TIMP3: variants seen among roughly 807,000 people sequenced by gnomAD.
The protein encoded by TIMP3 is TIMP metallopeptidase inhibitor 3.
TIMP3 carries 11 observed loss-of-function variants against 30.0 expected under a neutral mutation model. The ratio of observed to expected loss-of-function variants is 0.37; its 90% CI spans 0.23 to 0.61. The LOEUF (loss-of-function observed/expected upper bound fraction) is 0.61, where lower values mean the gene tolerates loss of function less well. Among genes scored for constraint, TIMP3 ranks in the 20% least tolerant of loss-of-function variants. The probability of loss-of-function intolerance (pLI) is 0.70; values close to 1 mark genes in which losing one functional copy is unlikely to be tolerated. For missense variants in TIMP3, 181 were observed against 276.8 expected (o/e 0.65, Z 2.45); for synonymous variants, 112 against 111.3 (o/e 1.01, Z -0.04).
rs373852143 is a variant in TIMP3, at chr22:32,819,189, G to T, written c.121+17067G>T. ...GTGAAAGAGGAAATAAGCTGTGTTG[G>T]CATGGGGAGGCTTGGCCTTGCAGGC... On this transcript the variant is annotated intron_variant, in intron 1 of 4. Coordinates refer to ENST00000266085, the MANE Select transcript of TIMP3 (RefSeq NM_000362.5). Among the ~76,000 whole-genome samples, 3 of 152,350 alleles carry T rather than the reference G, an allele frequency of 2.0e-5. No homozygotes were observed. In the East Asian group the frequency reaches 5.8e-4, roughly 29 times the overall value.
At chr22:32,852,568 T>A in intron 2 of TIMP3, among the ~76,000 whole-genome samples, 1 of 152,144 alleles carries the variant, frequency 6.6e-6, no homozygotes, top group South Asian at 2.1e-4. Flanking sequence ...GAGCAAGGGC[T>A]TCCTTAGAGC....
At chr22:32,829,407 A>G (rs183721449) in intron 1 of TIMP3, among the ~76,000 whole-genome samples, 1 of 152,282 alleles carries the variant, frequency 6.6e-6, no homozygotes, top group Non-Finnish European at 1.5e-5. Context: ...GCACTTCATT[A>G]TGGCAAAGAC....
intron 2 of TIMP3, among the ~76,000 whole-genome samples, chr22:32,855,808 A>G (rs2048347150): frequency 6.6e-6 from 1 of 152,174 alleles, no homozygotes; most frequent in South Asian, 2.1e-4. Flanking sequence ...GGGGGGCAAA[A>G]TTGCCTCCAG....
At chr22:32,858,494 C>A (rs1266112349) in intron 4 of TIMP3, among the ~76,000 whole-genome samples, 1 of 152,132 alleles carries the variant, frequency 6.6e-6, no homozygotes, top group Admixed American at 6.5e-5. Flanking sequence ...CAAGTGGGCT[C>A]ACCCTGGTAG....
At chr22:32,840,635 G>GCCGCCCCCT (rs1392369893) in intron 1 of TIMP3, among the ~76,000 whole-genome samples, 2 of 151,628 alleles carry the variant, frequency 1.3e-5, no homozygotes, top group African/African-American at 4.9e-5. Context: ...TCTCCTTACC[G>GCCGCCCCCT]CCGCCCCCTC....
rs2146316175 is a variant in TIMP3, at chr22:32,862,993, A to G, written c.*3616A>G. On this transcript the variant is annotated 3_prime_UTR_variant, in exon 5 of 5. Transcript: ENST00000266085. ...TAATGTTGCATAATGTTCACTTTTT[A>G]TAGTGTGTCCTTTATTCTAAACAGT... The G allele has an allele frequency of 6.5e-6, 1 of 152,768 alleles. No individual in the cohort carries two copies. The highest frequency in any genetic ancestry group is 1.9e-4 in the East Asian group (1 of 5,190). The allele number at this position is 152,768 out of a possible 1,614,324, so 9.5% of individuals were successfully genotyped here. A position where few individuals can be genotyped will look rare whatever the true frequency, so the allele number is the denominator to read the frequency against.
intron 1 of TIMP3, among the ~76,000 whole-genome samples, chr22:32,832,414 C>T (rs1357200508): frequency 1.3e-5 from 2 of 151,944 alleles, no homozygotes; most frequent in African/African-American, 4.8e-5. Flanking sequence ...AACAAGGGCT[C>T]CAGGAGGAAA....
At chr22:32,849,221 T>C (rs1240583338) in intron 1 of TIMP3, among the ~76,000 whole-genome samples, 1 of 152,150 alleles carries the variant, frequency 6.6e-6, no homozygotes, top group Non-Finnish European at 1.5e-5. Flanking sequence ...GAGCTGGCAA[T>C]TGTGAATATT....
intron 2 of TIMP3, among the ~76,000 whole-genome samples, chr22:32,857,007 T>C (rs1045228499): frequency 6.6e-6 from 1 of 152,256 alleles, no homozygotes; most frequent in African/African-American, 2.4e-5. Flanking sequence ...TTTTTCTGGA[T>C]GAATCATATT....
At chr22:32,829,283 A>T (rs1027187743) in intron 1 of TIMP3, among the ~76,000 whole-genome samples, 15 of 152,166 alleles carry the variant, frequency 9.9e-5, no homozygotes, top group African/African-American at 3.6e-4. Flanking sequence ...TGGCTCAAAG[A>T]ATTGCTCCCC....
In TIMP3 at chr22:32,825,968, T is replaced by A. The variant is rs1331806005; in HGVS notation, c.122-23484T>A. Among the ~76,000 whole-genome samples, 5 of 152,210 alleles carry A rather than the reference T, an allele frequency of 3.3e-5. No individual in the cohort carries two copies. The East Asian group carries it at 9.6e-4, about 29-fold the overall frequency. On this transcript the variant is annotated intron_variant, in intron 1 of 4. Coordinates refer to ENST00000266085, the MANE Select transcript of TIMP3 (RefSeq NM_000362.5). ...AGCAGGGGACGTATCCACAAGTTTA[T>A]AGTAGCATAGGGAAAAGTCTTGAAG...
intron 1 of TIMP3, among the ~76,000 whole-genome samples, chr22:32,810,151 C>CT (rs1192261268): frequency 1.3e-5 from 2 of 152,174 alleles, no homozygotes; most frequent in Non-Finnish European, 2.9e-5. Flanking sequence ...CCACAGGTGT[C>CT]TATGTGGGCT....
At position 32,848,048 on chromosome 22, in the gene TIMP3, C is replaced by T. The variant is rs200851145; in HGVS notation, c.122-1404C>T. 4.6e-5 allele frequency among the ~76,000 whole-genome samples: 7 copies of T among 152,322 alleles called. No homozygotes were observed. In the East Asian group the frequency reaches 9.6e-4, roughly 21 times the overall value. Reference sequence around the variant, plus strand: ...CTCTGCAATTTCCAGTTTTGGTATTCAAGACCTGTCCATTTGCTCCTCCAT... The same window carrying T: ...CTCTGCAATTTCCAGTTTTGGTATTTAAGACCTGTCCATTTGCTCCTCCAT... On this transcript the variant is annotated intron_variant, in intron 1 of 4. Coordinates refer to ENST00000266085, the MANE Select transcript of TIMP3 (RefSeq NM_000362.5).
chr22:32,838,899 T>G (rs969812902), intron 1 of TIMP3, among the ~76,000 whole-genome samples: 4 of 151,728 alleles, frequency 2.6e-5, no homozygotes, highest in Non-Finnish European at 5.9e-5. Context: ...ATCCGGTAAT[T>G]AGCGATGCTA....
At chr22:32,829,123 G>A (rs2047498238) in intron 1 of TIMP3, among the ~76,000 whole-genome samples, 1 of 152,136 alleles carries the variant, frequency 6.6e-6, no homozygotes, top group Non-Finnish European at 1.5e-5. Context: ...GGGCAGAGAT[G>A]AAAGAGGAAC....
chr22:32,845,067 C>T (rs1345175494), intron 1 of TIMP3, among the ~76,000 whole-genome samples: 3 of 151,994 alleles, frequency 2.0e-5, no homozygotes, highest in Non-Finnish European at 4.4e-5. Flanking sequence ...CCCTAGAAGC[C>T]CAGATTCTCT....
intron 2 of TIMP3, among the ~76,000 whole-genome samples, chr22:32,851,946 G>C (rs955633068): frequency 6.6e-6 from 1 of 152,102 alleles, no homozygotes; most frequent in Non-Finnish European, 1.5e-5. Flanking sequence ...CCATCCTCTC[G>C]TGCTTCCTTC....
chr22:32,810,917 G>A (rs2046899475), intron 1 of TIMP3, among the ~76,000 whole-genome samples: 1 of 152,158 alleles, frequency 6.6e-6, no homozygotes. Flanking sequence ...TAGCTCTAGT[G>A]AGCTCTGCTA....
At chr22:32,850,301 G>A (rs1389696803) in intron 2 of TIMP3, among the ~76,000 whole-genome samples, 4 of 151,922 alleles carry the variant, frequency 2.6e-5, no homozygotes, top group East Asian at 1.9e-4. Context: ...TTCCTGGGCC[G>A]CAGTTTTGCC....
Sources: allele counts gnomAD v4.1 joint callset (sites outside exome capture counted in the v4.1 genomes callset), GRCh38; gene constraint gnomAD v4.1.1; transcripts MANE v1.5; gene names NCBI Gene and HGNC (gene_info 2026-07-23, HGNC 2026-07-21).